ANKRD31: variants seen among roughly 807,000 people sequenced by gnomAD.
ANKRD31 encodes ankyrin repeat domain-containing protein 31.
Under a neutral mutation model 186.0 loss-of-function variants are expected in ANKRD31, and 147 were observed. The observed-to-expected ratio is 0.79, with a 90% CI of 0.69 to 0.91. The LOEUF (loss-of-function observed/expected upper bound fraction) is 0.91. Ranked by LOEUF, ANKRD31 falls within the 40% of genes least tolerant of loss-of-function variation. The pLI is 0.00. For synonymous variants in ANKRD31, 673 were observed against 736.4 expected, an observed-to-expected ratio of 0.91 and a Z score of 1.39; for missense variants, 1,986 against 2,148.8, an observed-to-expected ratio of 0.92 and a Z score of 1.50.
intron 22 of ANKRD31, among the ~76,000 whole-genome samples, chr5:75,094,760 A>G (rs145196624): frequency 2.0e-5 from 3 of 152,320 alleles, no homozygotes; most frequent in African/African-American, 7.2e-5. Context: ...ACTAAAAAAA[A>G]TAAGACCCAA....
chr5:75,176,865 G>A (rs1222474207), intron 10 of ANKRD31, among the ~76,000 whole-genome samples: 1 of 152,192 alleles, frequency 6.6e-6, no homozygotes, highest in Non-Finnish European at 1.5e-5. Context: ...CACCAGCAAT[G>A]GAACAAAGCT....
chr5:75,112,478 G>T, intron 20 of ANKRD31, 35 bp downstream of exon 20: 1 of 1,362,974 alleles, frequency 7.3e-7, no homozygotes, highest in East Asian at 2.6e-5. Context: ...TTGGGTATCT[G>T]AAAATATCAT....
At chr5:75,199,373 T>C (rs568461610) in intron 6 of ANKRD31, among the ~76,000 whole-genome samples, 13 of 152,168 alleles carry the variant, frequency 8.5e-5, no homozygotes, top group Non-Finnish European at 1.6e-4. Flanking sequence ...GATAACAAGT[T>C]ATGTATTTCT....
rs1411769379 is a variant in ANKRD31, at chr5:75,118,114, CA to C, written c.4039+20del. On this transcript the variant is annotated intron_variant, in intron 18 of 25. Transcript: ENST00000506364. Reference sequence around the variant, plus strand: ...AGAGATATATCTCTATATAAAATAGCAGCAATATTGATATACATACCATTGA... The same window carrying C: ...AGAGATATATCTCTATATAAAATAGCGCAATATTGATATACATACCATTGA... 2 of 1,364,048 alleles carry C rather than the reference CA, an allele frequency of 1.5e-6. No individual in the cohort carries two copies. Among genetic ancestry groups the C allele is most frequent in the Admixed American group, 7.0e-5 (2 of 28,374 alleles). 84.5% of individuals were successfully genotyped at this position (1,364,048 alleles called of 1,614,324 possible).
intron 25 of ANKRD31, among the ~76,000 whole-genome samples, chr5:75,072,076 A>G (rs1352737757): frequency 6.6e-6 from 1 of 152,220 alleles, no homozygotes; most frequent in Non-Finnish European, 1.5e-5. Flanking sequence ...CAGATTACCC[A>G]ATACAATTTA....
Position 75,105,224 on chromosome 5 carries a change from G to A in ANKRD31, c.4341-6C>T, listed in dbSNP as rs1207350816. On this transcript the variant is annotated splice_polypyrimidine_tract_variant and splice_region_variant and intron_variant, in intron 21 of 25. Coordinates refer to ENST00000506364, the MANE Select transcript of ANKRD31 (RefSeq NM_001372053.1). ...TAAATGACTCTATGGATACCCTATAGGAAGAAACAGAAAGAGAAAAAATGC... is the reference window on the plus strand; with the variant it reads ...TAAATGACTCTATGGATACCCTATAAGAAGAAACAGAAAGAGAAAAAATGC... 2.0e-6 allele frequency: 3 copies of A among 1,466,974 alleles called. No individual in the cohort carries two copies. Among genetic ancestry groups the A allele is most frequent in the African/African-American group, 1.4e-5 (1 of 69,910 alleles). 90.9% of individuals were successfully genotyped at this position (1,466,974 alleles called of 1,614,324 possible).
chr5:75,230,858 T>C (rs1757906412), intron 1 of ANKRD31, among the ~76,000 whole-genome samples: 1 of 152,202 alleles, frequency 6.6e-6, no homozygotes. Context: ...AATATTCTGT[T>C]ATTATTTTTT....
Position 75,104,578 on chromosome 5 carries a change from T to C in ANKRD31, c.4981A>G (p.Ile1661Val), listed in dbSNP as rs1489607089. 3 of 1,536,318 alleles carry C rather than the reference T, an allele frequency of 2.0e-6. No individual in the cohort carries two copies. Among genetic ancestry groups the C allele is most frequent in the Middle Eastern group, 1.7e-4 (1 of 5,984 alleles). Residue 1661 changes from isoleucine (I) to valine (V), a missense_variant, in exon 22 of 26, where the codon ATT (isoleucine) becomes GTT (valine). Coordinates refer to ENST00000506364, the MANE Select transcript of ANKRD31 (RefSeq NM_001372053.1). Reference protein sequence around the residue: ...LAENAAHPSNIICDQDLSNYD... With the variant: ...LAENAAHPSNVICDQDLSNYD... ...TTGGAAAGGTCCTGATCACAAATAA[T>C]ATTTGATGGATGGGCAGCATTTTCG...
chr5:75,127,964 G>C (rs1389431058), intron 17 of ANKRD31, among the ~76,000 whole-genome samples: 1 of 152,098 alleles, frequency 6.6e-6, no homozygotes, highest in Non-Finnish European at 1.5e-5. Flanking sequence ...AAATACAGTT[G>C]AGTCCGTGTT....
At chr5:75,140,591 A>G (rs1750982448) in intron 15 of ANKRD31, among the ~76,000 whole-genome samples, 1 of 152,184 alleles carries the variant, frequency 6.6e-6, no homozygotes, top group Non-Finnish European at 1.5e-5. Flanking sequence ...GCTTCTAACC[A>G]ATAGAATATT....
intron 7 of ANKRD31, 30 bp downstream of exon 7, chr5:75,195,601 T>C (rs1193917905): frequency 1.4e-6 from 2 of 1,461,132 alleles, no homozygotes; most frequent in Non-Finnish European, 1.8e-6. Context: ...GTTCAAATGG[T>C]GGAGTAGAAC....
At chr5:75,135,134 C>G (rs909972758) in intron 17 of ANKRD31, among the ~76,000 whole-genome samples, 1 of 152,198 alleles carries the variant, frequency 6.6e-6, no homozygotes, top group African/African-American at 2.4e-5. Context: ...TCTCACCACT[C>G]CTATTCAACA....
At chr5:75,203,392 G>A (rs112115101) in intron 5 of ANKRD31, among the ~76,000 whole-genome samples, 5,582 of 152,142 alleles carry the variant, frequency 0.037, 333 homozygotes, top group African/African-American at 0.13. Context: ...GGCCGGGCGC[G>A]GTGGCTTACA....
At chr5:75,084,251 T>C (rs1478258851) in intron 24 of ANKRD31, 21 bp downstream of exon 24, 1 of 1,498,416 alleles carries the variant, frequency 6.7e-7, no homozygotes, top group Admixed American at 2.0e-5. Flanking sequence ...AACGAAGAAA[T>C]GAGTGTTGTT....
intron 10 of ANKRD31, among the ~76,000 whole-genome samples, chr5:75,178,674 C>T (rs1342331000): frequency 2.6e-5 from 4 of 152,106 alleles, no homozygotes; most frequent in South Asian, 2.1e-4. Flanking sequence ...TAAAGATGTT[C>T]TTTGAAACCA....
At chr5:75,120,745 G>A (rs778164814) in intron 17 of ANKRD31, among the ~76,000 whole-genome samples, 5 of 152,068 alleles carry the variant, frequency 3.3e-5, no homozygotes, top group South Asian at 2.1e-4. Context: ...ACAACATGAC[G>A]GGAAGAAAAC....
intron 11 of ANKRD31, among the ~76,000 whole-genome samples, chr5:75,157,256 G>A (rs755443771): frequency 1.3e-5 from 2 of 152,138 alleles, no homozygotes; most frequent in Admixed American, 6.5e-5. Flanking sequence ...GAGGAAAGGC[G>A]TTCCTTGCTA....
chr5:75,147,381 T>C lies in ANKRD31; in HGVS notation c.2030A>G (p.Asp677Gly), dbSNP rs764633761. Residue 677 changes from aspartate (D) to glycine (G), a missense_variant, in exon 14 of 26, where the codon GAT becomes GGT. Asp to Gly is a moderately conservative substitution (Grantham distance 94). Transcript: ENST00000506364. ...ATCTTTTTGGTAATATTCATATACATCTTCTTTATTTATAAATAAACTCGC... is the reference window on the plus strand; with the variant it reads ...ATCTTTTTGGTAATATTCATATACACCTTCTTTATTTATAAATAAACTCGC... ...SKASLFINKE[D>G]VYEYYQKDPK... The C allele has an allele frequency of 1.3e-6, 2 of 1,526,798 alleles. No individual in the cohort carries two copies. The highest frequency in any genetic ancestry group is 1.8e-6 in the Non-Finnish European group (2 of 1,142,632). The allele number at this position is 1,526,798 out of a possible 1,614,324, so 94.6% of individuals were successfully genotyped here.
chr5:75,224,143 A>G (rs1234720425), intron 2 of ANKRD31, among the ~76,000 whole-genome samples: 1 of 65,344 alleles, frequency 1.5e-5, no homozygotes, highest in Non-Finnish European at 2.7e-5. Flanking sequence ...ATATATATAT[A>G]TATATATATA....
Sources: gnomAD v4.1 joint callset for allele counts (sites outside exome capture counted in the v4.1 genomes callset) on GRCh38, gnomAD v4.1.1 for gene constraint, MANE v1.5 for transcripts, NCBI Gene and HGNC (gene_info 2026-07-23, HGNC 2026-07-21) for gene names.